The following STK32A variants were observed in gnomAD, a reference collection of about 807,000 sequenced individuals.
STK32A encodes serine/threonine-protein kinase 32A.
Under a neutral mutation model 53.2 loss-of-function variants are expected in STK32A, and 41 were observed. The ratio of observed to expected loss-of-function variants is 0.77; its 90% CI spans 0.60 to 1.00. STK32A has a LOEUF of 1.00. Among genes scored for constraint, STK32A ranks in the 50% least tolerant of loss-of-function variants. The probability of loss-of-function intolerance (pLI) is 0.00; values close to 1 mark genes in which losing one functional copy is unlikely to be tolerated. For missense variants in STK32A, 458 were observed against 485.8 expected (o/e 0.94, Z 0.54); for synonymous variants, 166 against 162.8 (o/e 1.02, Z -0.15).
chr5:147,261,809 A>C (rs1754585403), intron 2 of STK32A, among the ~76,000 whole-genome samples: 1 of 152,106 alleles, frequency 6.6e-6, no homozygotes, highest in East Asian at 1.9e-4. Context: ...TTATATACAA[A>C]GTTTATTTTG....
At chr5:147,315,934 T>C (rs1383679380) in intron 4 of STK32A, among the ~76,000 whole-genome samples, 2 of 151,980 alleles carry the variant, frequency 1.3e-5, no homozygotes, top group Non-Finnish European at 2.9e-5. Context: ...GTAAAAAAAA[T>C]GAAACCAATT....
chr5:147,251,326 A>G (rs2151942497), intron 2 of STK32A, among the ~76,000 whole-genome samples: 1 of 152,350 alleles, frequency 6.6e-6, no homozygotes, highest in Non-Finnish European at 1.5e-5. Flanking sequence ...GAAGCAAATG[A>G]TGTGAAAATG....
intron 4 of STK32A, among the ~76,000 whole-genome samples, chr5:147,292,142 C>T (rs575673193): frequency 1.3e-5 from 2 of 152,270 alleles, no homozygotes; most frequent in South Asian, 4.1e-4. Flanking sequence ...GGTCAAAAAA[C>T]TTGTGAGGGT....
At chr5:147,280,520 T>A (rs1052557609) in intron 4 of STK32A, among the ~76,000 whole-genome samples, 1 of 151,796 alleles carries the variant, frequency 6.6e-6, no homozygotes, top group Non-Finnish European at 1.5e-5. Context: ...TGCCAGCTTT[T>A]CCCCACTTCC....
intron 8 of STK32A, among the ~76,000 whole-genome samples, chr5:147,364,626 C>T (rs1041968577): frequency 2.0e-5 from 3 of 152,170 alleles, no homozygotes; most frequent in African/African-American, 2.4e-5. Context: ...CTGAGATTAA[C>T]GTGCCATCAT....
intron 6 of STK32A, among the ~76,000 whole-genome samples, chr5:147,348,318 G>A (rs1002606642): frequency 3.9e-5 from 6 of 152,200 alleles, no homozygotes; most frequent in African/African-American, 1.2e-4. Flanking sequence ...CACCAGAGTT[G>A]AGATGTTCTG....
At chr5:147,280,727 G>A (rs768769555) in intron 4 of STK32A, among the ~76,000 whole-genome samples, 1 of 151,988 alleles carries the variant, frequency 6.6e-6, no homozygotes, top group Non-Finnish European at 1.5e-5. Flanking sequence ...AAAACAAAGG[G>A]CATATAATCT....
At chr5:147,379,327 A>C (rs1757363583) in intron 11 of STK32A, among the ~76,000 whole-genome samples, 1 of 151,898 alleles carries the variant, frequency 6.6e-6, no homozygotes, top group Non-Finnish European at 1.5e-5. Flanking sequence ...TATGTGTGCA[A>C]CCATGATTGA....
intron 2 of STK32A, among the ~76,000 whole-genome samples, chr5:147,254,855 G>A (rs1417096780): frequency 1.3e-5 from 2 of 152,110 alleles, no homozygotes; most frequent in Non-Finnish European, 1.5e-5. Context: ...AAAGTAGAAG[G>A]CAGGCTGGGC....
chr5:147,358,682 C>T (rs750892787), intron 7 of STK32A, among the ~76,000 whole-genome samples: 5 of 151,904 alleles, frequency 3.3e-5, no homozygotes, highest in African/African-American at 7.3e-5. Context: ...ACAAGGAATA[C>T]GATTTGATTT....
intron 2 of STK32A, among the ~76,000 whole-genome samples, chr5:147,258,337 ATATT>A (rs1171522363): frequency 6.6e-6 from 1 of 152,000 alleles, no homozygotes; most frequent in Non-Finnish European, 1.5e-5. Flanking sequence ...TTAAAACAAA[ATATT>A]TGTTTATTTT....
chr5:147,301,274 C>CTGGTTGTTTA (rs1309947884), intron 4 of STK32A, among the ~76,000 whole-genome samples: 1 of 136,980 alleles, frequency 7.3e-6, no homozygotes, highest in Non-Finnish European at 1.5e-5. Context: ...CAGAGAATGC[C>CTGGTTGTTTA]TGGTTGTTTA....
intron 6 of STK32A, among the ~76,000 whole-genome samples, chr5:147,347,724 G>A (rs1018986300): frequency 1.3e-5 from 2 of 152,210 alleles, no homozygotes; most frequent in Non-Finnish European, 2.9e-5. Context: ...GTGTCCTTCA[G>A]TCAGCAGGAG....
chr5:147,255,858 C>T (rs565598884), intron 2 of STK32A, among the ~76,000 whole-genome samples: 4 of 152,258 alleles, frequency 2.6e-5, no homozygotes, highest in African/African-American at 7.2e-5. Context: ...TTAAATCCTG[C>T]GGCTATTTGA....
chr5:147,341,214 T>C (rs1234089257), intron 5 of STK32A, among the ~76,000 whole-genome samples: 1 of 152,190 alleles, frequency 6.6e-6, no homozygotes, highest in Admixed American at 6.5e-5. Context: ...TGGCAAACAG[T>C]ACCTGATACT....
chr5:147,326,738 T>A (rs1004481387), intron 5 of STK32A, among the ~76,000 whole-genome samples: 25 of 152,192 alleles, frequency 1.6e-4, no homozygotes, highest in African/African-American at 5.8e-4. Context: ...TTAATCATGT[T>A]ATTTATCATC....
intron 4 of STK32A, among the ~76,000 whole-genome samples, chr5:147,281,842 T>A (rs1706196980): frequency 6.6e-6 from 1 of 152,116 alleles, no homozygotes; most frequent in Admixed American, 6.5e-5. Context: ...GAAAGAATCT[T>A]AAGAGATATG....
rs1383492697 is a variant in STK32A at position 147,386,883 on chromosome 5, G to C, written c.*2900G>C. On this transcript the variant is annotated 3_prime_UTR_variant, in exon 13 of 13. Transcript: ENST00000397936. ...CTTTTCCTAAATCTTTGTGGTCATT[G>C]CTAGTTGTTGACATCAGATCCTTTG... is the stretch of plus-strand genomic sequence containing the variant. 6.6e-6 allele frequency: 1 copy of C among 152,206 alleles called. No individual in the cohort carries two copies. The highest frequency in any genetic ancestry group is 2.4e-5 in the African/African-American group (1 of 41,444). 9.4% of individuals were successfully genotyped at this position (152,206 alleles called of 1,614,324 possible).
At chr5:147,298,062 T>C (rs1417574029) in intron 4 of STK32A, among the ~76,000 whole-genome samples, 1 of 152,122 alleles carries the variant, frequency 6.6e-6, no homozygotes, top group Non-Finnish European at 1.5e-5. Flanking sequence ...AAAAGTTTGT[T>C]GGATCTGTAT....
Sources: gnomAD v4.1 joint callset for allele counts (sites outside exome capture counted in the v4.1 genomes callset) on GRCh38, gnomAD v4.1.1 for gene constraint, MANE v1.5 for transcripts, NCBI Gene and HGNC (gene_info 2026-07-23, HGNC 2026-07-21) for gene names.